Variants in VAV1 observed in about 807,000 individuals in gnomAD.
The protein encoded by VAV1 is proto-oncogene vav.
VAV1 carries 33 observed loss-of-function variants against 128.1 expected under a neutral mutation model. The ratio of observed to expected loss-of-function variants is 0.26; its 90% confidence interval spans 0.20 to 0.34. The LOEUF is 0.34. Among genes scored for constraint, VAV1 ranks in the 10% least tolerant of loss-of-function variants. VAV1 has a pLI of 1.00. For missense variants in VAV1, 715 were observed against 1,093.7 expected, an observed-to-expected ratio of 0.65 and a Z score of 4.88; for synonymous variants, 394 against 409.8, an observed-to-expected ratio of 0.96 and a Z score of 0.47.
intron 1 of VAV1, among the ~76,000 whole-genome samples, chr19:6,792,939 G>A (rs1050107882): frequency 7.9e-5 from 12 of 152,126 alleles, no homozygotes; most frequent in Non-Finnish European, 1.8e-4. Context: ...CGCTGAGACC[G>A]AGGGACTCAG....
intron 1 of VAV1, among the ~76,000 whole-genome samples, chr19:6,791,082 C>G (rs1971007276): frequency 1.3e-5 from 2 of 152,220 alleles, no homozygotes; most frequent in Admixed American, 1.3e-4. Flanking sequence ...GTCTGTGTGT[C>G]TCTTACAAGG....
chr19:6,821,349 C>T (rs1171564888), intron 2 of VAV1, among the ~76,000 whole-genome samples: 5 of 151,746 alleles, frequency 3.3e-5, no homozygotes, highest in African/African-American at 9.7e-5. Context: ...TGTAGTGAGC[C>T]GAGATGGTGC....
Position 6,829,814 on chromosome 19 carries a change from C to T in VAV1, c.1294C>T (p.Leu432Phe), listed in dbSNP as rs1016602018. The T allele has an allele frequency of 3.1e-6, 5 of 1,614,070 alleles. No individual in the cohort carries two copies. The highest frequency in any genetic ancestry group is 4.2e-6 in the Non-Finnish European group (5 of 1,180,024). The change falls in exon 14 of 27, where the codon CTC becomes TTC. Residue 432 changes from leucine (L) to phenylalanine (F), a missense_variant. Around this residue, in one of 3 missense-constraint regions of VAV1, gnomAD observed 407 missense variants for 580.6 expected, o/e 0.70. Coordinates refer to ENST00000602142, the MANE Select transcript of VAV1 (RefSeq NM_005428.4). Reference sequence around the variant, plus strand: ...TGCCTTCCTGCTCGACAAAGCTCTACTCATCTGTAAGCGCAGGGGAGACTC... The same window carrying T: ...TGCCTTCCTGCTCGACAAAGCTCTATTCATCTGTAAGCGCAGGGGAGACTC... ...RYAFLLDKAL[L>F]ICKRRGDSYD...
At position 6,805,583 on chromosome 19, in the gene VAV1, T is replaced by TATAC. The variant is rs370624141; in HGVS notation, c.205-15118_205-15117insTACA. On this transcript the variant is annotated intron_variant, in intron 1 of 26. Transcript: ENST00000602142. ...ATAGTGAGACCCTCATTTCTACAGA[T>TATAC]ACACACACACACACACACACACACA... Among the ~76,000 whole-genome samples the TATAC allele has an allele frequency of 6.5e-3, 900 of 139,086 alleles. 10 individuals are homozygous for TATAC. Among genetic ancestry groups the TATAC allele is most frequent in the East Asian group, 0.045 (211 of 4,638 alleles). 91.2% of individuals were successfully genotyped at this position (139,086 alleles called of 152,430 possible). A position where few individuals can be genotyped will look rare whatever the true frequency, so the allele number is the denominator to read the frequency against.
chr19:6,856,742 A>G (rs560897521), intron 26 of VAV1, among the ~76,000 whole-genome samples: 82 of 151,190 alleles, frequency 5.4e-4, no homozygotes, highest in Non-Finnish European at 7.1e-4. Flanking sequence ...AAAAAAAAAA[A>G]AAAAGAAAAG....
At chr19:6,840,579 G>C (rs1469616490) in intron 21 of VAV1, among the ~76,000 whole-genome samples, 1 of 151,820 alleles carries the variant, frequency 6.6e-6, no homozygotes, top group African/African-American at 2.4e-5. Context: ...GATTACAGGC[G>C]TGAGCCACTG....
chr19:6,806,743 G>A (rs1348816783), intron 1 of VAV1, among the ~76,000 whole-genome samples: 1 of 152,342 alleles, frequency 6.6e-6, no homozygotes, highest in East Asian at 1.9e-4. Context: ...GATGGGCCAT[G>A]CTAATTGACT....
chr19:6,822,407 C>G lies in VAV1; in HGVS notation c.559-12C>G, dbSNP rs1206478497. The G allele has an allele frequency of 6.4e-7, 1 of 1,556,440 alleles. No individual in the cohort carries two copies. The highest frequency in any genetic ancestry group is 1.2e-5 in the South Asian group (1 of 84,634). ...CAGGCCCCCCAACACCGGCCTCTCC[C>G]CTCGCTCTCAGCCCAAGATGACAGA... On this transcript the variant is annotated splice_polypyrimidine_tract_variant and intron_variant, in intron 5 of 26. Coordinates refer to ENST00000602142, the MANE Select transcript of VAV1 (RefSeq NM_005428.4). This position sits in a 1 kb window ranked among gnomAD's most constrained non-coding sequence, Gnocchi z 5.9.
intron 1 of VAV1, among the ~76,000 whole-genome samples, chr19:6,805,195 C>T (rs934344425): frequency 1.3e-5 from 2 of 151,882 alleles, no homozygotes; most frequent in African/African-American, 2.4e-5. Context: ...GAGGCCGAGG[C>T]GGATGGATCA....
At chr19:6,794,553 AGAGACCAATGCCGTT>A (rs1568288437) in intron 1 of VAV1, among the ~76,000 whole-genome samples, 1 of 152,196 alleles carries the variant, frequency 6.6e-6, no homozygotes, top group Non-Finnish European at 1.5e-5. Flanking sequence ...TGTGGTGTCA[AGAGACCAATGCCGTT>A]GAGAGGAGTA....
intron 1 of VAV1, among the ~76,000 whole-genome samples, chr19:6,775,577 C>T (rs1970603114): frequency 2.0e-5 from 3 of 152,192 alleles, no homozygotes; most frequent in Admixed American, 2.0e-4. Context: ...CCAGCTGTAT[C>T]AGGCTCCAGG....
intron 1 of VAV1, among the ~76,000 whole-genome samples, chr19:6,800,473 C>T (rs1449220540): frequency 6.6e-6 from 1 of 151,666 alleles, no homozygotes; most frequent in South Asian, 2.1e-4. Flanking sequence ...CCACACCCAG[C>T]TAATTTTGTA....
chr19:6,809,208 G>A (rs1438629797), intron 1 of VAV1, among the ~76,000 whole-genome samples: 1 of 151,918 alleles, frequency 6.6e-6, no homozygotes, highest in African/African-American at 2.4e-5. Context: ...TGAGTAGCTG[G>A]AACTATAGGC....
chr19:6,852,243 G>A (rs563283686), intron 24 of VAV1, among the ~76,000 whole-genome samples: 201 of 152,226 alleles, frequency 1.3e-3, no homozygotes, highest in Non-Finnish European at 2.2e-3. Flanking sequence ...TTGAACTCTT[G>A]GCTTCAAGTG....
At chr19:6,809,119 C>T (rs775190328) in intron 1 of VAV1, among the ~76,000 whole-genome samples, 70 of 149,534 alleles carry the variant, frequency 4.7e-4, no homozygotes, top group Non-Finnish European at 8.0e-4. Flanking sequence ...CTTGTCTTGT[C>T]GCCCAAGCTG....
chr19:6,850,494 T>G (rs1972643970), intron 23 of VAV1, among the ~76,000 whole-genome samples, 176 bp from the exon 24 acceptor site: 1 of 151,508 alleles, frequency 6.6e-6, no homozygotes, highest in Non-Finnish European at 1.5e-5. Flanking sequence ...GAGGAAGACA[T>G]TAAGGCTTTA....
intron 26 of VAV1, among the ~76,000 whole-genome samples, 198 bp from the exon 27 acceptor site, chr19:6,856,856 G>A (rs1972817555): frequency 6.6e-6 from 1 of 151,694 alleles, no homozygotes; most frequent in South Asian, 2.1e-4. Flanking sequence ...ATTTAGGGAG[G>A]GACTTTTAGG....
At chr19:6,802,600 TC>T (rs1158738674) in intron 1 of VAV1, among the ~76,000 whole-genome samples, 1 of 152,100 alleles carries the variant, frequency 6.6e-6, no homozygotes, top group Non-Finnish European at 1.5e-5. Context: ...GGGAACTTCC[TC>T]CCTCGAGCCA....
At chr19:6,806,989 G>A (rs564414999) in intron 1 of VAV1, among the ~76,000 whole-genome samples, 2 of 152,302 alleles carry the variant, frequency 1.3e-5, no homozygotes, top group African/African-American at 2.4e-5. Flanking sequence ...ACAACCTGTT[G>A]TAATCAATGC....
Sources: gnomAD v4.1 joint callset for allele counts (sites outside exome capture counted in the v4.1 genomes callset) on GRCh38, gnomAD v4.1.1 for gene constraint, gnomAD v4.1.1 regional missense constraint, Gnocchi (gnomAD v3.1) non-coding constraint, MANE v1.5 for transcripts, NCBI Gene and HGNC (gene_info 2026-07-23, HGNC 2026-07-21) for gene names.